Variants in KIAA1217 observed in about 807,000 individuals in gnomAD.
The protein encoded by KIAA1217 is sickle tail protein homolog.
Under a neutral mutation model 163.9 loss-of-function variants are expected in KIAA1217, and 88 were observed. The ratio of observed to expected loss-of-function variants is 0.54; its 90% CI spans 0.45 to 0.64. The LOEUF is 0.64. Ranked by LOEUF, KIAA1217 falls within the 30% of genes least tolerant of loss-of-function variation. The pLI is 0.00. For synonymous variants in KIAA1217, 903 were observed against 923.1 expected (o/e 0.98, Z 0.39); for missense variants, 2,372 against 2,475.0 (o/e 0.96, Z 0.88).
At chr10:24,360,228 A>G (rs1200707446) in intron 2 of KIAA1217, among the ~76,000 whole-genome samples, 1 of 151,582 alleles carries the variant, frequency 6.6e-6, no homozygotes, top group Non-Finnish European at 1.5e-5. Flanking sequence ...TTGTACTTTT[A>G]GTAGAGATGG....
intron 2 of KIAA1217, among the ~76,000 whole-genome samples, chr10:24,184,710 G>A (rs1167262284): frequency 6.6e-6 from 1 of 152,176 alleles, no homozygotes; most frequent in African/African-American, 2.4e-5. Context: ...AAACAGAAAA[G>A]CTGGCTGCAA....
At chr10:24,383,869 G>C (rs1232475881) in intron 3 of KIAA1217, among the ~76,000 whole-genome samples, 1 of 152,170 alleles carries the variant, frequency 6.6e-6, no homozygotes, top group Admixed American at 6.5e-5. Context: ...GCCTGGACGG[G>C]AAATAAAAAG....
chr10:24,416,520 A>G (rs752010546), intron 3 of KIAA1217, among the ~76,000 whole-genome samples: 2 of 152,230 alleles, frequency 1.3e-5, no homozygotes, highest in African/African-American at 2.4e-5. Context: ...AGAGGCTTGT[A>G]TATGCCCATG....
At chr10:23,852,388 A>T (rs1193265949) in intron 1 of KIAA1217, among the ~76,000 whole-genome samples, 1 of 152,192 alleles carries the variant, frequency 6.6e-6, no homozygotes, top group Non-Finnish European at 1.5e-5. Flanking sequence ...CTGTTTTGGT[A>T]CCAGTACCAT....
intron 1 of KIAA1217, among the ~76,000 whole-genome samples, chr10:23,972,889 T>G (rs1178319011): frequency 2.0e-5 from 3 of 152,068 alleles, no homozygotes; most frequent in Non-Finnish European, 4.4e-5. Flanking sequence ...TTCTCACTCA[T>G]AAGTGGGAGT....
chr10:23,895,102 C>T (rs918301550), intron 1 of KIAA1217, among the ~76,000 whole-genome samples: 9 of 152,106 alleles, frequency 5.9e-5, no homozygotes, highest in African/African-American at 2.2e-4. Context: ...ATGTCTAAAA[C>T]ACCAAAAGCA....
chr10:24,505,871 T>A (rs1176053095), intron 9 of KIAA1217, among the ~76,000 whole-genome samples: 2 of 152,118 alleles, frequency 1.3e-5, no homozygotes, highest in Non-Finnish European at 1.5e-5. Flanking sequence ...AATGTGTCTT[T>A]TTATGAGATG....
chr10:24,276,513 A>C (rs1355672079), intron 2 of KIAA1217, among the ~76,000 whole-genome samples: 1 of 151,946 alleles, frequency 6.6e-6, no homozygotes, highest in Admixed American at 6.6e-5. Context: ...TGGCACAATC[A>C]TAGCCCCTGT....
chr10:24,206,948 A>G (rs74749141), upstream of KIAA1217, among the ~76,000 whole-genome samples: 994 of 152,278 alleles, frequency 6.5e-3, 8 homozygotes, highest in African/African-American at 0.023. Flanking sequence ...TCTAGGGGTC[A>G]ACAGAGGCCT....
Position 24,546,318 on chromosome 10 carries a change from C to G in KIAA1217, c.5826C>G (p.Thr1942=), listed in dbSNP as rs1282917296. Residue 1942 remains threonine, a synonymous_variant, in exon 21 of 21, where the codon ACC becomes ACG. Coordinates refer to ENST00000376454, the MANE Select transcript of KIAA1217 (RefSeq NM_019590.5). The part of the protein sequence containing the change: ...SKATPSTAKE[T]S ...CCACCCCATCCACAGCAAAAGAAAC[C>G]TCTTAAAGGTCAAATCCTATTAGGC... The G allele has an allele frequency of 3.1e-6, 5 of 1,591,978 alleles. No individual in the cohort carries two copies. In the African/African-American group the frequency reaches 6.8e-5, roughly 22 times the overall value.
chr10:23,696,115 A>C (rs1341134313), intron 1 of KIAA1217, among the ~76,000 whole-genome samples: 1 of 152,136 alleles, frequency 6.6e-6, no homozygotes, highest in Non-Finnish European at 1.5e-5. Context: ...TTTCGGGGGC[A>C]TGTTTAGCTC....
chr10:24,500,259 TGTGTGTGC>T (rs1178714619), intron 8 of KIAA1217, among the ~76,000 whole-genome samples: 1 of 150,150 alleles, frequency 6.7e-6, no homozygotes, highest in Non-Finnish European at 1.5e-5. Context: ...TCCAGAAGAG[TGTGTGTGC>T]GTGTGTGTGT....
Position 23,731,299 on chromosome 10 carries a change from A to C in KIAA1217, c.-321+36065A>C, listed in dbSNP as rs143642485. 1.8e-3 allele frequency among the ~76,000 whole-genome samples: 274 copies of C among 152,346 alleles called. 1 individual carries two copies. Among genetic ancestry groups the C allele is most frequent in the African/African-American group, 6.4e-3 (268 of 41,584 alleles). On this transcript the variant is annotated intron_variant, in intron 1 of 18. Coordinates refer to the KIAA1217 transcript ENST00000376462. ...ATGAATGTTTATAAAAGAAATATGC[A>C]CATGCACAGTTGAGCTTTATGCCCA...
intron 2 of KIAA1217, among the ~76,000 whole-genome samples, chr10:24,238,830 G>C (rs1754931431): frequency 6.6e-6 from 1 of 152,146 alleles, no homozygotes; most frequent in South Asian, 2.1e-4. Flanking sequence ...TGTTAGACAG[G>C]GAGGGGCAGA....
chr10:23,914,312 T>C (rs1842555019), intron 1 of KIAA1217, among the ~76,000 whole-genome samples: 3 of 152,062 alleles, frequency 2.0e-5, no homozygotes, highest in Admixed American at 2.0e-4. Context: ...TTCCTTGACA[T>C]TGGTTTAGAA....
Position 24,470,175 on chromosome 10 carries a change from C to G in KIAA1217, c.847-3053C>G, listed in dbSNP as rs1026675130. 2.0e-5 allele frequency among the ~76,000 whole-genome samples: 3 copies of G among 152,308 alleles called. No individual in the cohort carries two copies. In the South Asian group the frequency reaches 6.2e-4, roughly 32 times the overall value. On this transcript the variant is annotated intron_variant, in intron 5 of 20. Transcript: ENST00000376454. ...ATTTTATGACCTGTGAAGCCCTGTG[C>G]TGCTTCCTGCTGAGCCATACTTTGC...
At chr10:24,461,929 A>G (rs563142034) in intron 5 of KIAA1217, among the ~76,000 whole-genome samples, 119 of 152,150 alleles carry the variant, frequency 7.8e-4, no homozygotes, top group African/African-American at 2.8e-3. Flanking sequence ...TGGTCCTGAG[A>G]ATGTCACCCC....
rs746262288 is a variant in KIAA1217 at position 24,309,344 on chromosome 10, G to A, written c.355-71525G>A. On this transcript the variant is annotated intron_variant, in intron 2 of 20. Transcript: ENST00000376454. ...CCATGACAAATAGGCGCGCGCACGC[G>A]CGCGCGCACACACACACACACACAC... is the stretch of plus-strand genomic sequence containing the variant. Among the ~76,000 whole-genome samples, 567 of 66,726 alleles carry A rather than the reference G, an allele frequency of 8.5e-3. 3 individuals are homozygous for A. Among genetic ancestry groups the A allele is most frequent in the African/African-American group, 0.028 (442 of 15,760 alleles). 43.8% of individuals were successfully genotyped at this position (66,726 alleles called of 152,430 possible). A position where few individuals can be genotyped will look rare whatever the true frequency, so the allele number is the denominator to read the frequency against.
intron 2 of KIAA1217, among the ~76,000 whole-genome samples, chr10:24,117,592 G>A (rs2063110978): frequency 1.3e-5 from 2 of 152,098 alleles, no homozygotes; most frequent in African/African-American, 2.4e-5. Context: ...CTGAAATCAT[G>A]CCACTGCACT....
Sources: allele counts gnomAD v4.1 joint callset (sites outside exome capture counted in the v4.1 genomes callset), GRCh38; gene constraint gnomAD v4.1.1; transcripts MANE v1.5; gene names NCBI Gene and HGNC (gene_info 2026-07-23, HGNC 2026-07-21).